The following ANO7 variants were observed in gnomAD, a reference collection of about 807,000 sequenced individuals.
The protein encoded by ANO7 is anoctamin-7.
In ANO7, 114 loss-of-function variants were observed where a neutral mutation model predicts 115.8. The observed-to-expected ratio is 0.98, with a 90% CI of 0.85 to 1.15. The LOEUF (loss-of-function observed/expected upper bound fraction) is 1.15, where lower values mean the gene tolerates loss of function less well. Ranked by LOEUF, ANO7 falls within the 50% of genes most tolerant of loss-of-function variation. The pLI is 0.00. For missense variants in ANO7, 1,302 were observed against 1,201.2 expected, an observed-to-expected ratio of 1.08 and a Z score of -1.24; for synonymous variants, 550 against 498.2, an observed-to-expected ratio of 1.10 and a Z score of -1.38.
chr2:241,188,904 G>A lies in ANO7; in HGVS notation c.-8+138G>A. On this transcript the variant is annotated intron_variant, in intron 1 of 24. Transcript: ENST00000674324. This position sits in a 1 kb window ranked among gnomAD's most constrained non-coding sequence, Gnocchi z 4.3. ...GGAGGCAGTGCCAGGGCCCGCCCTG[G>A]TCCCCAAAGCCCCTTGGGGCACGAG... 2.5e-6 allele frequency: 3 copies of A among 1,198,682 alleles called. No individual in the cohort carries two copies. The highest frequency in any genetic ancestry group is 3.4e-6 in the Non-Finnish European group (3 of 877,878). 74.3% of individuals were successfully genotyped at this position (1,198,682 alleles called of 1,614,324 possible).
Position 241,224,404 on chromosome 2 carries a change from C to T in ANO7, c.*251C>T. 1.9e-6 allele frequency: 1 copy of T among 537,564 alleles called. No individual in the cohort carries two copies. The highest frequency in any genetic ancestry group is 3.2e-5 in the East Asian group (1 of 31,558). 33.3% of individuals were successfully genotyped at this position (537,564 alleles called of 1,614,324 possible). A position where few individuals can be genotyped will look rare whatever the true frequency, so the allele number is the denominator to read the frequency against. On this transcript the variant is annotated 3_prime_UTR_variant, in exon 25 of 25. Transcript: ENST00000674324. ...TTGTTTCCTGCTCCCAGACATAAGC[C>T]CAAGGGGCCCCTGCACCCAAGGGAC...
chr2:241,196,044 G>A (rs2068320456), intron 4 of ANO7, 199 bp downstream of exon 4: 2 of 1,444,662 alleles, frequency 1.4e-6, no homozygotes, highest in African/African-American at 2.8e-5. Flanking sequence ...GGTAAACATT[G>A]ATCCCTCCTG....
At chr2:241,220,848 G>C (rs1180798626) in intron 21 of ANO7, among the ~76,000 whole-genome samples, 3 of 151,276 alleles carry the variant, frequency 2.0e-5, no homozygotes, top group African/African-American at 7.3e-5. Context: ...GTTCACGCCT[G>C]TAATCTCAGC....
intron 19 of ANO7, among the ~76,000 whole-genome samples, chr2:241,217,330 G>C (rs2068854512): frequency 6.6e-6 from 1 of 152,240 alleles, no homozygotes. Context: ...CCCTTCCAAA[G>C]AGCCCTCTCC....
At chr2:241,235,107 C>T in the ANO7 span, 1 of 1,611,102 alleles carries the variant, frequency 6.2e-7, no homozygotes, top group East Asian at 2.2e-5. Flanking sequence ...GTGCCCCGGC[C>T]ACCTCCTGCT....
chr2:241,202,345 A>T, intron 8 of ANO7, 41 bp downstream of exon 8: 2 of 1,583,568 alleles, frequency 1.3e-6, no homozygotes, highest in Non-Finnish European at 1.7e-6. Context: ...GGTATGGGAG[A>T]TGAGTCCCCT....
At chr2:241,235,156 G>A in the ANO7 span, 5 of 1,613,954 alleles carry the variant, frequency 3.1e-6, no homozygotes, top group Admixed American at 1.7e-5. Flanking sequence ...TCCTTCACAC[G>A]CTCCAGCAGT....
downstream of ANO7, chr2:241,230,314 A>G: frequency 8.8e-7 from 1 of 1,141,098 alleles, no homozygotes; most frequent in Non-Finnish European, 1.3e-6. The surrounding 1 kb of genome is among the most constrained non-coding windows in gnomAD (Gnocchi z 5.0). Flanking sequence ...CCAAGCGAGG[A>G]AAAGGGTTAA....
rs1285068098 is a variant in ANO7 at position 241,205,778 on chromosome 2, A to C, written c.980+823A>C. Among the ~76,000 whole-genome samples the C allele has an allele frequency of 2.5e-5, 2 of 79,310 alleles. 1 individual carries two copies. Among genetic ancestry groups the C allele is most frequent in the Non-Finnish European group, 5.2e-5 (2 of 38,754 alleles). 52.0% of individuals were successfully genotyped at this position (79,310 alleles called of 152,430 possible). On this transcript the variant is annotated intron_variant, in intron 10 of 24. Coordinates refer to ENST00000674324, the MANE Select transcript of ANO7 (RefSeq NM_001370694.2). ...TGGACAGGAGTGCTCCCAGTCTGAC[A>C]GGTGGACAGGAGTGCTCCCAGTCTG... is the stretch of plus-strand genomic sequence containing the variant.
chr2:241,210,599 G>GGT (rs1371771671), intron 15 of ANO7, 29 bp downstream of exon 15: 1 of 1,597,914 alleles, frequency 6.3e-7, no homozygotes, highest in East Asian at 2.2e-5. Context: ...GCCAGGCACT[G>GGT]ACCAGGGGCC....
At chr2:241,194,695 TTC>T (rs61166901) in intron 3 of ANO7, among the ~76,000 whole-genome samples, 4,092 of 152,300 alleles carry the variant, frequency 0.027, 200 homozygotes, top group African/African-American at 0.091. Context: ...GTTATAATTA[TTC>T]TGTTTTATTA....
chr2:241,221,417 C>A (rs2069010016), intron 21 of ANO7, among the ~76,000 whole-genome samples: 1 of 150,884 alleles, frequency 6.6e-6, no homozygotes, highest in African/African-American at 2.4e-5. Flanking sequence ...CTTGCTCTGT[C>A]ACCCAGGCTG....
At chr2:241,202,404 G>C in intron 8 of ANO7, 100 bp downstream of exon 8, 1 of 1,012,072 alleles carries the variant, frequency 9.9e-7, no homozygotes. Flanking sequence ...GGCATGGTCA[G>C]CCGGCGTGGC....
rs761303946 is a variant in ANO7 at position 241,199,367 on chromosome 2, T to C, written c.361T>C (p.Ser121Pro). The change falls in exon 5 of 25, where the codon TCC becomes CCC. Residue 121 changes from serine to proline, a missense_variant. Physicochemically the swap from Ser to Pro is moderately conservative, Grantham distance 74. Coordinates refer to ENST00000674324, the MANE Select transcript of ANO7 (RefSeq NM_001370694.2). ...TTVHYALLSA[S>P]WAVLCYYAED... ...AGTGCACTACGCCCTCCTCAGCGCC[T>C]CCTGGGCTGTGCTCTGCTACTACGC... is the stretch of plus-strand genomic sequence containing the variant. The C allele has an allele frequency of 6.2e-7, 1 of 1,613,764 alleles. No individual in the cohort carries two copies. Among genetic ancestry groups the C allele is most frequent in the East Asian group, 2.2e-5 (1 of 44,874 alleles).
intron 4 of ANO7, among the ~76,000 whole-genome samples, chr2:241,197,906 C>T (rs2149135836): frequency 6.6e-6 from 1 of 152,280 alleles, no homozygotes; most frequent in African/African-American, 2.4e-5. Context: ...CTGTCTCAGC[C>T]TCCCAAAGTG....
intron 11 of ANO7, 94 bp downstream of exon 11, chr2:241,207,764 C>A: frequency 8.7e-7 from 1 of 1,151,622 alleles, no homozygotes; most frequent in Non-Finnish European, 1.3e-6. Flanking sequence ...CTGCACCAGC[C>A]CCTGTCCTGC....
In ANO7 at chr2:241,224,982, G is replaced by C. The variant is rs777954010; in HGVS notation, c.*829G>C. The C allele has an allele frequency of 6.6e-6, 1 of 152,232 alleles. No individual in the cohort carries two copies. Among genetic ancestry groups the C allele is most frequent in the Non-Finnish European group, 1.5e-5 (1 of 68,052 alleles). 9.4% of individuals were successfully genotyped at this position (152,232 alleles called of 1,614,324 possible). Reference sequence around the variant, plus strand: ...AGGTTTTGGGATGAGAGGAGGAAACGTGTATACCTGTAACATCTGGTGGCT... The same window carrying C: ...AGGTTTTGGGATGAGAGGAGGAAACCTGTATACCTGTAACATCTGGTGGCT... On this transcript the variant is annotated 3_prime_UTR_variant, in exon 25 of 25. Coordinates refer to ENST00000674324, the MANE Select transcript of ANO7 (RefSeq NM_001370694.2).
chr2:241,218,324 A>G lies in ANO7; in HGVS notation c.2264A>G (p.Asn755Ser), dbSNP rs1368060637. The change falls in exon 21 of 25, where the codon AAC becomes AGC. Residue 755 changes from asparagine to serine, a missense_variant. Physicochemically the swap from Asn to Ser is conservative, Grantham distance 46. Transcript: ENST00000674324. ...TRAHDLRGFL[N>S]FTLARAPSSF... The stretch of plus-strand genomic sequence containing the variant: ...GCCCACGACCTGCGCGGCTTCCTCA[A>G]CTTCACGCTGGCGCGAGCCCCGTCC... 3 of 1,518,310 alleles carry G rather than the reference A, an allele frequency of 2.0e-6. No homozygotes were observed. Among genetic ancestry groups the G allele is most frequent in the Non-Finnish European group, 2.6e-6 (3 of 1,140,172 alleles). 94.1% of individuals were successfully genotyped at this position (1,518,310 alleles called of 1,614,324 possible).
chr2:241,212,461 G>A (rs1458129896), intron 16 of ANO7, 111 bp from the exon 17 acceptor site: 6 of 1,228,112 alleles, frequency 4.9e-6, no homozygotes, highest in African/African-American at 3.0e-5. Context: ...GCCACAGTTC[G>A]TGCTTCCTCC....
Sources: gnomAD v4.1 joint callset for allele counts (sites outside exome capture counted in the v4.1 genomes callset) on GRCh38, gnomAD v4.1.1 for gene constraint, Gnocchi (gnomAD v3.1) non-coding constraint, MANE v1.5 for transcripts, NCBI Gene and HGNC (gene_info 2026-07-23, HGNC 2026-07-21) for gene names.